The following FASTKD5 variants were observed in gnomAD, a reference collection of about 807,000 sequenced individuals.
FASTKD5 encodes FAST kinase domains 5.
In FASTKD5, 30 loss-of-function variants were observed where a neutral mutation model predicts 44.0. The observed-to-expected ratio is 0.68, with a 90% CI of 0.51 to 0.93. The LOEUF (loss-of-function observed/expected upper bound fraction) is 0.93, where lower values mean the gene tolerates loss of function less well. Among genes scored for constraint, FASTKD5 ranks in the 40% least tolerant of loss-of-function variants. FASTKD5 has a pLI of 0.00. For missense variants in FASTKD5, 868 were observed against 908.2 expected (o/e 0.96, Z 0.57); for synonymous variants, 335 against 342.2 (o/e 0.98, Z 0.23).
At chr20:3,159,487 G>A (rs1297079925) in intron 1 of FASTKD5, among the ~76,000 whole-genome samples, 1 of 152,236 alleles carries the variant, frequency 6.6e-6, no homozygotes, top group Non-Finnish European at 1.5e-5. Flanking sequence ...CGTGAGACAA[G>A]TACTGTTACG....
At chr20:3,157,237 G>A (rs1211791190) in intron 1 of FASTKD5, among the ~76,000 whole-genome samples, 1 of 152,154 alleles carries the variant, frequency 6.6e-6, no homozygotes, top group Admixed American at 6.5e-5. Context: ...TGTTAACTGG[G>A]CTAGACTCTT....
At chr20:3,153,422 T>C (rs950108048) in intron 1 of FASTKD5, among the ~76,000 whole-genome samples, 1 of 152,234 alleles carries the variant, frequency 6.6e-6, no homozygotes, top group East Asian at 1.9e-4. Flanking sequence ...AACATCTCTG[T>C]AATGTAAGTT....
chr20:3,149,080 A>G lies in FASTKD5; in HGVS notation c.-10T>C, dbSNP rs564214192. On this transcript the variant is annotated 5_prime_UTR_variant, in exon 2 of 2. Transcript: ENST00000380266. This position sits in a 1 kb window ranked among gnomAD's most constrained non-coding sequence, Gnocchi z 4.1. ...TGAGAGTAGCTGCCATTCTGGTGTC[A>G]GTATTGATCTCTTTGGCAGTCAGAA... 6.3e-7 allele frequency: 1 copy of G among 1,598,956 alleles called. No individual in the cohort carries two copies. The highest frequency in any genetic ancestry group is 1.1e-5 in the South Asian group (1 of 88,742).
chr20:3,154,917 G>A (rs2066668168), intron 1 of FASTKD5, among the ~76,000 whole-genome samples: 1 of 151,884 alleles, frequency 6.6e-6, no homozygotes, highest in African/African-American at 2.4e-5. Flanking sequence ...GACAGGTGTG[G>A]TGGCTCACAA....
intron 1 of FASTKD5, among the ~76,000 whole-genome samples, chr20:3,158,709 C>T (rs945965193): frequency 6.6e-6 from 1 of 151,874 alleles, no homozygotes; most frequent in Non-Finnish European, 1.5e-5. Flanking sequence ...CTCCTGACCT[C>T]GTGATCCGCC....
At chr20:3,150,517 T>C (rs939922722) in intron 1 of FASTKD5, 6 of 152,374 alleles carry the variant, frequency 3.9e-5, no homozygotes, top group Non-Finnish European at 7.3e-5. Flanking sequence ...TTAATGCTTA[T>C]TCTTTTTCTT....
At chr20:3,153,102 G>C (rs1568483779) in intron 1 of FASTKD5, among the ~76,000 whole-genome samples, 1 of 151,984 alleles carries the variant, frequency 6.6e-6, no homozygotes, top group Non-Finnish European at 1.5e-5. Context: ...ACATAAACAA[G>C]AATTAACAAA....
Position 3,148,496 on chromosome 20 carries a change from T to TGGCAG in FASTKD5, c.570_574dup (p.Gln192ProfsTer4). The TGGCAG allele has an allele frequency of 6.2e-7, 1 of 1,614,154 alleles. No homozygotes were observed. The highest frequency in any genetic ancestry group is 8.5e-7 in the Non-Finnish European group (1 of 1,180,022). ...GAGCTGTATCTTCTTCACACTCAGC[T>TGGCAG]GGCAGAGCAGAGCAAAGCTGGTACT... On this transcript the variant is annotated frameshift_variant, in exon 2 of 2. Coordinates refer to ENST00000380266, the MANE Select transcript of FASTKD5 (RefSeq NM_021826.5). LOFTEE classifies it high-confidence loss of function.
intron 1 of FASTKD5, chr20:3,151,972 G>C (rs2066630089): frequency 6.6e-6 from 1 of 151,706 alleles, no homozygotes; most frequent in Non-Finnish European, 1.5e-5. Context: ...AGGTGTGGTG[G>C]CATGAGCGTG....
chr20:3,151,406 T>C (rs1419737192), intron 1 of FASTKD5, among the ~76,000 whole-genome samples: 2 of 152,256 alleles, frequency 1.3e-5, no homozygotes, highest in Non-Finnish European at 2.9e-5. Flanking sequence ...GCAGATTGTA[T>C]GGCCTGCAAA....
chr20:3,150,453 A>G (rs998420968), intron 1 of FASTKD5: 2 of 152,200 alleles, frequency 1.3e-5, no homozygotes, highest in South Asian at 2.1e-4. Context: ...TTTTTCTCCC[A>G]TGGCAGAAAC....
chr20:3,148,955 C>T lies in FASTKD5; in HGVS notation c.116G>A (p.Gly39Glu). The T allele has an allele frequency of 6.2e-7, 1 of 1,614,192 alleles. No individual in the cohort carries two copies. The highest frequency in any genetic ancestry group is 2.2e-5 in the East Asian group (1 of 44,890). Residue 39 changes from glycine (G) to glutamate (E), a missense_variant, in exon 2 of 2, where the codon GGG (glycine) becomes GAG (glutamate). Physicochemically the swap from Gly to Glu is moderately conservative, Grantham distance 98. Coordinates refer to ENST00000380266, the MANE Select transcript of FASTKD5 (RefSeq NM_021826.5). ...AATGTGTTCTGGAGGGTCCTGTCCCCCATGCTGTGTGCTGCTCACATTCCA... is the reference window on the plus strand; with the variant it reads ...AATGTGTTCTGGAGGGTCCTGTCCCTCATGCTGTGTGCTGCTCACATTCCA... Reference protein sequence around the residue: ...SYWNVSSTQHGGQDPPEHISL... With the variant: ...SYWNVSSTQHEGQDPPEHISL...
At chr20:3,157,309 G>T (rs2066696181) in intron 1 of FASTKD5, among the ~76,000 whole-genome samples, 2 of 152,184 alleles carry the variant, frequency 1.3e-5, no homozygotes, top group South Asian at 4.1e-4. Flanking sequence ...TACTGCGAAG[G>T]TGAAGCACTA....
At position 3,147,572 on chromosome 20, in the gene FASTKD5, C is replaced by G. The variant is rs770776460; in HGVS notation, c.1499G>C (p.Arg500Thr). ...IDFALSPGFV[R>T]LAQERTKFDL... Reference sequence around the variant, plus strand: ...AAACTTAGTTCTCTCCTGAGCTAACCTGACAAACCCTGGACTGAGAGCGAA... The same window carrying G: ...AAACTTAGTTCTCTCCTGAGCTAACGTGACAAACCCTGGACTGAGAGCGAA... Residue 500 changes from arginine (R) to threonine (T), a missense_variant, in exon 2 of 2, where the codon AGG becomes ACG. Transcript: ENST00000380266. The G allele has an allele frequency of 7.4e-6, 12 of 1,614,068 alleles. No homozygotes were observed. The highest frequency in any genetic ancestry group is 1.0e-5 in the Non-Finnish European group (12 of 1,180,052).
At position 3,151,325 on chromosome 20, in the gene FASTKD5, A is replaced by G. The variant is rs756537919; in HGVS notation, c.-190-2065T>C. Among the ~76,000 whole-genome samples the G allele has an allele frequency of 3.2e-4, 49 of 152,234 alleles. 1 individual carries two copies. The highest frequency in any genetic ancestry group is 6.8e-4 in the Non-Finnish European group (46 of 68,044). On this transcript the variant is annotated intron_variant, in intron 1 of 1. Coordinates refer to ENST00000380266, the MANE Select transcript of FASTKD5 (RefSeq NM_021826.5). ...TTTGTAAACAAGGTTTTTTCAGAACATAGCTAGGCCATTCATTATATATTG... is the reference window on the plus strand; with the variant it reads ...TTTGTAAACAAGGTTTTTTCAGAACGTAGCTAGGCCATTCATTATATATTG...
intron 1 of FASTKD5, among the ~76,000 whole-genome samples, chr20:3,154,665 C>A (rs893271725): frequency 2.0e-5 from 3 of 151,786 alleles, no homozygotes; most frequent in African/African-American, 7.3e-5. Context: ...CAGAGAGAGA[C>A]CCTATCTCAA....
intron 1 of FASTKD5, among the ~76,000 whole-genome samples, chr20:3,159,343 A>C (rs938933453): frequency 6.6e-6 from 1 of 152,134 alleles, no homozygotes; most frequent in East Asian, 1.9e-4. Context: ...CCTCGTCTGG[A>C]ATCTAGTTAG....
At position 3,148,401 on chromosome 20, in the gene FASTKD5, T is replaced by C. The variant is rs144604664; in HGVS notation, c.670A>G (p.Met224Val). ...CACTTGGTCTCATACACATCTAGCATTGAATGGGAGTGAGGGATTCCTAAA... is the reference window on the plus strand; with the variant it reads ...CACTTGGTCTCATACACATCTAGCACTGAATGGGAGTGAGGGATTCCTAAA... The part of the protein sequence containing the change: ...VILGIPHSHS[M>V]LDVYETKCCH... The change falls in exon 2 of 2, where the codon ATG becomes GTG. Residue 224 changes from methionine (M) to valine (V), a missense_variant. Met to Val is a conservative substitution (Grantham distance 21). Transcript: ENST00000380266. The C allele has an allele frequency of 1.5e-4, 246 of 1,614,162 alleles. No individual in the cohort carries two copies. The highest frequency in any genetic ancestry group is 1.9e-4 in the Non-Finnish European group (225 of 1,180,022).
chr20:3,150,664 C>T (rs2066615011), intron 1 of FASTKD5: 1 of 152,200 alleles, frequency 6.6e-6, no homozygotes, highest in South Asian at 2.1e-4. Context: ...GAAATGCCTG[C>T]CTAACTCTGC....
Sources: allele counts gnomAD v4.1 joint callset (sites outside exome capture counted in the v4.1 genomes callset), GRCh38; gene constraint gnomAD v4.1.1; non-coding constraint Gnocchi (gnomAD v3.1); transcripts MANE v1.5; gene names NCBI Gene and HGNC (gene_info 2026-07-23, HGNC 2026-07-21).